DNAH6: variants seen among roughly 807,000 people sequenced by gnomAD.
DNAH6 encodes dynein axonemal heavy chain 6.
A neutral mutation model predicts 491.4 loss-of-function variants in DNAH6; 340 were observed. The observed-to-expected ratio is 0.69, with a 90% confidence interval of 0.63 to 0.76. The LOEUF (loss-of-function observed/expected upper bound fraction) is 0.76, where lower values mean the gene tolerates loss of function less well. Ranked by LOEUF, DNAH6 falls within the 30% of genes least tolerant of loss-of-function variation. The pLI is 0.00. For missense variants in DNAH6, 4,443 were observed against 4,972.2 expected, an observed-to-expected ratio of 0.89 and a Z score of 3.20; for synonymous variants, 1,603 against 1,686.1, an observed-to-expected ratio of 0.95 and a Z score of 1.21.
chr2:84,526,229 A>G (rs1333811946), intron 3 of DNAH6, among the ~76,000 whole-genome samples: 1 of 151,194 alleles, frequency 6.6e-6, no homozygotes, highest in African/African-American at 2.4e-5. Context: ...ATAACTGAAG[A>G]AAAAAAAACA....
chr2:84,792,557 G>A (rs755456685), intron 68 of DNAH6, among the ~76,000 whole-genome samples: 2 of 152,120 alleles, frequency 1.3e-5, no homozygotes, highest in South Asian at 2.1e-4. Flanking sequence ...CAATAAAGGC[G>A]CGGGGGTGAG....
chr2:84,528,421 A>G lies in DNAH6; in HGVS notation c.400-483A>G, dbSNP rs72939143. On this transcript the variant is annotated intron_variant, in intron 3 of 76. Coordinates refer to ENST00000389394, the MANE Select transcript of DNAH6 (RefSeq NM_001370.2). Reference sequence around the variant, plus strand: ...ATCGCATAGTGATTCCCAACACTCAATATAACCGCCCCTCATATTCACAAA... The same window carrying G: ...ATCGCATAGTGATTCCCAACACTCAGTATAACCGCCCCTCATATTCACAAA... Among the ~76,000 whole-genome samples, 435 of 152,296 alleles carry G rather than the reference A, an allele frequency of 2.9e-3. 2 individuals carry two copies. The highest frequency in any genetic ancestry group is 0.014 in the Middle Eastern group (4 of 294).
Position 84,808,513 on chromosome 2 carries a change from C to A in DNAH6, c.11710C>A (p.Arg3904=). The A allele has an allele frequency of 6.4e-7, 1 of 1,551,662 alleles. No individual in the cohort carries two copies. Among genetic ancestry groups the A allele is most frequent in the Non-Finnish European group, 8.7e-7 (1 of 1,146,936 alleles). The change falls in exon 72 of 77, where the codon CGG becomes AGG. Residue 3904 remains arginine (R), a synonymous_variant. Coordinates refer to ENST00000389394, the MANE Select transcript of DNAH6 (RefSeq NM_001370.2). Reference sequence around the variant, plus strand: ...CACCGTTCTTGGACAGGAAGTGGACCGGTTTAACAACCTGCTGAAGTTAAT... The same window carrying A: ...CACCGTTCTTGGACAGGAAGTGGACAGGTTTAACAACCTGCTGAAGTTAAT... ...LTTVLGQEVD[R]FNNLLKLIHT...
intron 71 of DNAH6, 62 bp from the exon 72 acceptor site, chr2:84,808,353 T>G: frequency 6.9e-7 from 1 of 1,445,888 alleles, no homozygotes; most frequent in Non-Finnish European, 9.1e-7. Context: ...CACATTGCCT[T>G]AGCAATATTG....
intron 64 of DNAH6, among the ~76,000 whole-genome samples, chr2:84,776,481 A>T (rs1264687863): frequency 6.6e-6 from 1 of 152,212 alleles, no homozygotes; most frequent in East Asian, 1.9e-4. Context: ...CAGATCAGAT[A>T]AAAAGGACAA....
At position 84,798,937 on chromosome 2, in the gene DNAH6, C is replaced by T. The variant is rs58257368; in HGVS notation, c.11481+1279C>T. ...TAGGGGAACACAAGGAAGAATATGG[C>T]ATAGGTTTGTATGCCAGCAAGGGAG... On this transcript the variant is annotated intron_variant, in intron 70 of 76. Transcript: ENST00000389394. Among the ~76,000 whole-genome samples, 1,478 of 151,784 alleles carry T rather than the reference C, an allele frequency of 9.7e-3. 21 individuals carry two copies. The highest frequency in any genetic ancestry group is 0.034 in the African/African-American group (1,425 of 41,362).
At position 84,703,641 on chromosome 2, in the gene DNAH6, T is replaced by C. The variant is rs1696146112; in HGVS notation, c.8229+79T>C. 3.3e-6 allele frequency: 4 copies of C among 1,229,504 alleles called. No individual in the cohort carries two copies. In the African/African-American group the frequency reaches 6.1e-5, roughly 19 times the overall value. 76.2% of individuals were successfully genotyped at this position (1,229,504 alleles called of 1,614,324 possible). On this transcript the variant is annotated intron_variant, in intron 50 of 76. Transcript: ENST00000389394. ...TTATATATAATGAGACACGATTGGA[T>C]TTTTTTATTATATATGTTATTAAAA...
chr2:84,510,559 C>T, the DNAH6 span, among the ~76,000 whole-genome samples: 1 of 151,508 alleles, frequency 6.6e-6, no homozygotes, highest in Non-Finnish European at 1.5e-5. Flanking sequence ...CGTCTGAAGC[C>T]TTCTTCTCTC....
At chr2:84,619,106 A>ATACACATTATACAT (rs1687148139) in intron 23 of DNAH6, among the ~76,000 whole-genome samples, 2 of 152,202 alleles carry the variant, frequency 1.3e-5, no homozygotes, top group African/African-American at 4.8e-5. Flanking sequence ...ATTTCTACAT[A>ATACACATTATACAT]GGTATAGCCT....
chr2:84,797,749 A>T, intron 70 of DNAH6, 91 bp downstream of exon 70: 1 of 1,046,672 alleles, frequency 9.6e-7, no homozygotes, highest in South Asian at 1.6e-5. Context: ...TGGAAATTAT[A>T]ATCTTCCTAA....
In DNAH6 at chr2:84,528,949, C is replaced by G. The variant is rs1339477371; in HGVS notation, c.445C>G (p.Leu149Val). 1.3e-6 allele frequency: 2 copies of G among 1,550,030 alleles called. No homozygotes were observed. Among genetic ancestry groups the G allele is most frequent in the Non-Finnish European group, 8.7e-7 (1 of 1,146,410 alleles). Residue 149 changes from leucine (L) to valine (V), a missense_variant, in exon 4 of 77, where the codon CTG becomes GTG. Coordinates refer to ENST00000389394, the MANE Select transcript of DNAH6 (RefSeq NM_001370.2). ...GGTGTTCTCTCCCTCTCCTCCTAAA[C>G]TGCCACATACTGGTATTGGAAAAAG... Reference protein sequence around the residue: ...VEVFSPSPPKLPHTGIGKRGL... With the variant: ...VEVFSPSPPKVPHTGIGKRGL...
intron 59 of DNAH6, among the ~76,000 whole-genome samples, chr2:84,720,261 G>A (rs1697972762): frequency 2.1e-5 from 3 of 141,758 alleles, no homozygotes; most frequent in South Asian, 4.7e-4. Context: ...ACTTCCAAGA[G>A]TGCTTCTTTT....
chr2:84,761,783 C>CACACGT (rs1674599711), intron 63 of DNAH6, among the ~76,000 whole-genome samples: 1 of 132,682 alleles, frequency 7.5e-6, no homozygotes, highest in Admixed American at 7.7e-5. Flanking sequence ...CATACACACA[C>CACACGT]ACACATACAC....
chr2:84,716,719 C>T (rs1697569080), intron 58 of DNAH6, among the ~76,000 whole-genome samples: 1 of 151,990 alleles, frequency 6.6e-6, no homozygotes, highest in Non-Finnish European at 1.5e-5. Context: ...AAGCTCCCAG[C>T]ATGTTAGGCT....
chr2:84,802,257 T>C (rs1678994100), intron 70 of DNAH6, among the ~76,000 whole-genome samples: 1 of 152,118 alleles, frequency 6.6e-6, no homozygotes, highest in African/African-American at 2.4e-5. Flanking sequence ...TTAAAAGATA[T>C]AGAATGGCAA....
At chr2:84,491,836 G>A in the DNAH6 span, among the ~76,000 whole-genome samples, 1 of 152,140 alleles carries the variant, frequency 6.6e-6, no homozygotes, top group Non-Finnish European at 1.5e-5. Context: ...TTAAGACAGA[G>A]GGTCTAAAAA....
intron 2 of DNAH6, among the ~76,000 whole-genome samples, chr2:84,518,549 A>G (rs1233593836): frequency 6.6e-6 from 1 of 152,248 alleles, no homozygotes; most frequent in Non-Finnish European, 1.5e-5. Context: ...TTAAAAAGTA[A>G]AAGTTGTCCT....
At chr2:84,791,208 GA>G (rs997107369) in intron 68 of DNAH6, among the ~76,000 whole-genome samples, 17 of 138,966 alleles carry the variant, frequency 1.2e-4, no homozygotes, top group Middle Eastern at 3.7e-3. Flanking sequence ...AAAGAAAAAA[GA>G]AAAAAAAAAC....
At chr2:84,762,593 C>T (rs981019913) in intron 63 of DNAH6, among the ~76,000 whole-genome samples, 162 bp from the exon 64 acceptor site, 1 of 152,076 alleles carries the variant, frequency 6.6e-6, no homozygotes, top group Non-Finnish European at 1.5e-5. Flanking sequence ...ATTTGGTGAA[C>T]AAATCCACCA....
Sources: gnomAD v4.1 joint callset for allele counts (sites outside exome capture counted in the v4.1 genomes callset) on GRCh38, gnomAD v4.1.1 for gene constraint, MANE v1.5 for transcripts, NCBI Gene and HGNC (gene_info 2026-07-23, HGNC 2026-07-21) for gene names.